Variants in SGCD observed in about 807,000 individuals in gnomAD.
SGCD encodes delta-sarcoglycan.
A neutral mutation model predicts 36.6 loss-of-function variants in SGCD; 18 were observed. That is an observed-to-expected ratio of 0.49 (90% confidence interval 0.34 to 0.73). The LOEUF is 0.73. SGCD is among the 30% of genes least tolerant of loss of function. SGCD has a pLI of 0.01. For missense variants in SGCD, 387 were observed against 346.7 expected, an observed-to-expected ratio of 1.12 and a Z score of -0.92; for synonymous variants, 133 against 130.6, an observed-to-expected ratio of 1.02 and a Z score of -0.12.
rs1005988343 is a variant in SGCD, at chr5:156,093,655, G to A, written c.-281-24223G>A. 6.6e-5 allele frequency among the ~76,000 whole-genome samples: 10 copies of A among 152,158 alleles called. No homozygotes were observed. In the South Asian group the frequency reaches 1.2e-3, roughly 19 times the overall value. ...TTGGGATCCCAATTTGGGTTTGTGC[G>A]TGGAGCAACTCCAGCAGGATCAGGA... On this transcript the variant is annotated intron_variant, in intron 1 of 9. Coordinates refer to the SGCD transcript ENST00000517913.
At chr5:156,348,347 C>T (rs2127719810) in intron 3 of SGCD, among the ~76,000 whole-genome samples, 1 of 152,088 alleles carries the variant, frequency 6.6e-6, no homozygotes, top group Non-Finnish European at 1.5e-5. Flanking sequence ...GAGCATATAC[C>T]TAGAAAACTC....
chr5:155,822,452 T>C, the SGCD span, among the ~76,000 whole-genome samples: 1 of 152,210 alleles, frequency 6.6e-6, no homozygotes, highest in Admixed American at 6.5e-5. Flanking sequence ...TGTCCTGAAA[T>C]TGACGTGAAG....
chr5:156,058,962 A>C (rs1025341551), intron 1 of SGCD, among the ~76,000 whole-genome samples: 2 of 146,184 alleles, frequency 1.4e-5, no homozygotes, highest in East Asian at 3.8e-4. Context: ...CCATGATAAA[A>C]GTTATTTAAA....
At chr5:156,569,366 C>T (rs954857373) in intron 4 of SGCD, among the ~76,000 whole-genome samples, 5 of 151,932 alleles carry the variant, frequency 3.3e-5, no homozygotes, top group East Asian at 1.9e-4. Context: ...CCGAGGCAGG[C>T]GGATCACCTG....
chr5:156,519,416 T>G (rs565993504), intron 4 of SGCD, among the ~76,000 whole-genome samples: 2 of 151,978 alleles, frequency 1.3e-5, no homozygotes, highest in Non-Finnish European at 2.9e-5. Flanking sequence ...GGACTAGATT[T>G]ACAGCAGAAT....
At chr5:156,654,172 C>T (rs1390323068) in intron 7 of SGCD, among the ~76,000 whole-genome samples, 1 of 151,994 alleles carries the variant, frequency 6.6e-6, no homozygotes, top group Non-Finnish European at 1.5e-5. Context: ...CCCAATAACC[C>T]AATGAGGTAC....
At chr5:156,483,014 C>G (rs529729485) in intron 3 of SGCD, among the ~76,000 whole-genome samples, 1 of 152,100 alleles carries the variant, frequency 6.6e-6, no homozygotes, top group East Asian at 1.9e-4. Context: ...CCCCCACTCC[C>G]CCTTGTGACA....
At chr5:156,673,270 A>G (rs765707779) in intron 7 of SGCD, among the ~76,000 whole-genome samples, 1 of 152,186 alleles carries the variant, frequency 6.6e-6, no homozygotes, top group Non-Finnish European at 1.5e-5. Context: ...TCTATTCATA[A>G]TATATCATTT....
At chr5:156,563,957 A>G (rs1194006092) in intron 4 of SGCD, among the ~76,000 whole-genome samples, 1 of 152,240 alleles carries the variant, frequency 6.6e-6, no homozygotes, top group Non-Finnish European at 1.5e-5. Context: ...GAGATTTGCC[A>G]TACTTAATCT....
intron 3 of SGCD, among the ~76,000 whole-genome samples, chr5:156,202,453 C>T (rs1764173502): frequency 6.6e-6 from 1 of 152,132 alleles, no homozygotes; most frequent in Admixed American, 6.6e-5. Flanking sequence ...AGGTGTTAGG[C>T]TAATGATAAG....
At chr5:156,485,996 G>A (rs1755639809) in intron 3 of SGCD, among the ~76,000 whole-genome samples, 1 of 152,068 alleles carries the variant, frequency 6.6e-6, no homozygotes, top group South Asian at 2.1e-4. Flanking sequence ...AGTATAGAGA[G>A]ATACCATGCA....
chr5:156,367,304 A>G (rs576925840), intron 3 of SGCD, among the ~76,000 whole-genome samples: 14 of 152,338 alleles, frequency 9.2e-5, no homozygotes, highest in Middle Eastern at 3.4e-3. Context: ...AATGATGTGT[A>G]TTATGTAGGA....
intron 7 of SGCD, among the ~76,000 whole-genome samples, chr5:156,736,888 C>T (rs1274793937): frequency 6.6e-6 from 1 of 152,118 alleles, no homozygotes; most frequent in Non-Finnish European, 1.5e-5. Flanking sequence ...CCCAGCTAAC[C>T]CTACTGAGAC....
intron 3 of SGCD, among the ~76,000 whole-genome samples, chr5:156,128,012 G>A (rs1250182470): frequency 6.6e-6 from 1 of 151,442 alleles, no homozygotes; most frequent in African/African-American, 2.4e-5. Flanking sequence ...AAAATTAAAA[G>A]CATCTACTCA....
chr5:156,531,803 ACT>A (rs145342273), intron 4 of SGCD, among the ~76,000 whole-genome samples: 5,001 of 151,884 alleles, frequency 0.033, 177 homozygotes, highest in African/African-American at 0.086. Flanking sequence ...AAAAAAAAAG[ACT>A]CTACGTAAAT....
At chr5:156,056,644 T>TAAAAAAAAAAAAAAAAAAAAAAAA (rs1561699543) in intron 1 of SGCD, among the ~76,000 whole-genome samples, 1 of 64,762 alleles carries the variant, frequency 1.5e-5, no homozygotes, top group East Asian at 1.1e-3. Flanking sequence ...CAAATTATCC[T>TAAAAAAAAAAAAAAAAAAAAAAAA]TAAAAAAAAA....
intron 1 of SGCD, among the ~76,000 whole-genome samples, chr5:155,979,506 G>A (rs1561670677): frequency 6.6e-6 from 1 of 152,222 alleles, no homozygotes; most frequent in Non-Finnish European, 1.5e-5. Context: ...ATCAATACAT[G>A]TGGAAGGGAA....
intron 3 of SGCD, among the ~76,000 whole-genome samples, chr5:156,404,008 T>C (rs1031978569): frequency 6.6e-6 from 1 of 152,004 alleles, no homozygotes; most frequent in Admixed American, 6.6e-5. Flanking sequence ...CTAATGTTTG[T>C]ATTTTTAGTA....
chr5:155,970,436 T>C (rs75588262), intron 1 of SGCD, among the ~76,000 whole-genome samples: 5,205 of 152,308 alleles, frequency 0.034, 139 homozygotes, highest in South Asian at 0.064. Flanking sequence ...GTGTTAAAAA[T>C]GATTCTAAGG....
Sources: gnomAD v4.1 joint callset for allele counts (sites outside exome capture counted in the v4.1 genomes callset) on GRCh38, gnomAD v4.1.1 for gene constraint, MANE v1.5 for transcripts, NCBI Gene and HGNC (gene_info 2026-07-23, HGNC 2026-07-21) for gene names.